Variants in TRIM44 observed in about 807,000 individuals in gnomAD.
TRIM44 encodes tripartite motif containing 44, also known as tripartite motif-containing protein 44.
Under a neutral mutation model 37.4 loss-of-function variants are expected in TRIM44, and 13 were observed. That is an observed-to-expected ratio of 0.35 (90% CI 0.23 to 0.55). TRIM44 has a LOEUF of 0.55. Among genes scored for constraint, TRIM44 ranks in the 20% least tolerant of loss-of-function variants. The pLI, the probability that TRIM44 is intolerant of heterozygous loss-of-function variation, is 0.89. For missense variants in TRIM44, 426 were observed against 437.2 expected, an observed-to-expected ratio of 0.97 and a Z score of 0.23; for synonymous variants, 175 against 157.2, an observed-to-expected ratio of 1.11 and a Z score of -0.85.
intron 4 of TRIM44, among the ~76,000 whole-genome samples, chr11:35,767,027 T>A (rs970364246): frequency 2.6e-5 from 4 of 152,190 alleles, no homozygotes; most frequent in Admixed American, 2.6e-4. Flanking sequence ...GTCATGGTTT[T>A]AGGCAAGATT....
chr11:35,754,033 G>C (rs1237643157), intron 4 of TRIM44, among the ~76,000 whole-genome samples: 2 of 151,620 alleles, frequency 1.3e-5, no homozygotes, highest in African/African-American at 4.8e-5. Context: ...GACCAAGTGA[G>C]ACTGTCTCAA....
intron 1 of TRIM44, among the ~76,000 whole-genome samples, chr11:35,667,223 G>A (rs762797508): frequency 6.6e-6 from 1 of 152,118 alleles, no homozygotes; most frequent in Non-Finnish European, 1.5e-5. Context: ...CTTTTGGGAT[G>A]ATCATGTGAT....
At position 35,699,996 on chromosome 11, in the gene TRIM44, A is replaced by C. The variant is rs1009665500; in HGVS notation, c.747+14660A>C. On this transcript the variant is annotated intron_variant, in intron 2 of 4. Coordinates refer to ENST00000299413, the MANE Select transcript of TRIM44 (RefSeq NM_017583.6). ...CATTCCATGCTCATGGGTAGGAAGA[A>C]TCAATATCGTGAAAATGGCCATACT... 2.6e-5 allele frequency among the ~76,000 whole-genome samples: 4 copies of C among 152,230 alleles called. No homozygotes were observed. In the East Asian group the frequency reaches 7.7e-4, roughly 29 times the overall value.
intron 4 of TRIM44, among the ~76,000 whole-genome samples, chr11:35,745,912 G>A (rs753007718): frequency 7.2e-5 from 11 of 151,994 alleles, no homozygotes; most frequent in African/African-American, 2.7e-4. Flanking sequence ...GAATCCCCCC[G>A]CCTTTATTTT....
intron 4 of TRIM44, among the ~76,000 whole-genome samples, chr11:35,793,923 G>C (rs1374623369): frequency 6.6e-6 from 1 of 152,068 alleles, no homozygotes; most frequent in Non-Finnish European, 1.5e-5. Context: ...GTAAAGATTT[G>C]GATGAAGTGA....
chr11:35,666,809 A>C (rs922612940), intron 1 of TRIM44, among the ~76,000 whole-genome samples: 4 of 151,410 alleles, frequency 2.6e-5, no homozygotes, highest in Non-Finnish European at 5.9e-5. Context: ...GAATATAGGA[A>C]TATGATTAAC....
At chr11:35,777,391 G>C (rs1332867684) in intron 4 of TRIM44, among the ~76,000 whole-genome samples, 1 of 152,032 alleles carries the variant, frequency 6.6e-6, no homozygotes, top group Non-Finnish European at 1.5e-5. Flanking sequence ...CACACTGATG[G>C]GTCTTGACTC....
chr11:35,736,785 T>C (rs1852330941), intron 4 of TRIM44, among the ~76,000 whole-genome samples: 1 of 152,222 alleles, frequency 6.6e-6, no homozygotes, highest in Admixed American at 6.5e-5. Flanking sequence ...CACTTCAGAC[T>C]CCATCTTTCA....
At chr11:35,731,468 C>T (rs1227483210) in intron 3 of TRIM44, among the ~76,000 whole-genome samples, 5 of 152,076 alleles carry the variant, frequency 3.3e-5, no homozygotes, top group Non-Finnish European at 5.9e-5. Context: ...GTTCAGTTTG[C>T]TTATATTTTG....
chr11:35,786,772 C>T (rs772169488), intron 4 of TRIM44, among the ~76,000 whole-genome samples: 2 of 152,074 alleles, frequency 1.3e-5, no homozygotes, highest in African/African-American at 2.4e-5. Context: ...GTAATTTTCT[C>T]GGTGTTAGCG....
At chr11:35,729,088 C>T (rs1472421619) in intron 3 of TRIM44, among the ~76,000 whole-genome samples, 1 of 152,030 alleles carries the variant, frequency 6.6e-6, no homozygotes, top group Non-Finnish European at 1.5e-5. Flanking sequence ...GGATACAAGG[C>T]AGTGAATTCC....
chr11:35,663,884 A>T (rs542873624), intron 1 of TRIM44, 104 bp downstream of exon 1: 1 of 1,382,328 alleles, frequency 7.2e-7, no homozygotes, highest in Non-Finnish European at 9.7e-7. Flanking sequence ...TGTCCCTAAG[A>T]AGCTAGTCTT....
At chr11:35,688,563 T>A (rs1422781529) in intron 2 of TRIM44, among the ~76,000 whole-genome samples, 2 of 152,236 alleles carry the variant, frequency 1.3e-5, no homozygotes, top group Admixed American at 6.5e-5. Context: ...GGTTTTACAA[T>A]TGCTTTTTCC....
chr11:35,687,788 G>T, intron 2 of TRIM44, among the ~76,000 whole-genome samples: 1 of 152,298 alleles, frequency 6.6e-6, no homozygotes, highest in Admixed American at 6.5e-5. Context: ...AAGGATATTT[G>T]TAAGGACCCG....
intron 2 of TRIM44, among the ~76,000 whole-genome samples, chr11:35,712,269 C>T (rs977491327): frequency 4.6e-5 from 7 of 152,154 alleles, no homozygotes; most frequent in Non-Finnish European, 1.0e-4. Context: ...TGTTATGAAG[C>T]AGACTCCCTA....
chr11:35,712,297 G>A (rs999024637), intron 2 of TRIM44, among the ~76,000 whole-genome samples: 7 of 152,126 alleles, frequency 4.6e-5, no homozygotes, highest in African/African-American at 1.7e-4. Flanking sequence ...GAACTGCTTG[G>A]TGCCCAACTA....
intron 4 of TRIM44, 31 bp from the exon 5 acceptor site, chr11:35,806,327 T>C (rs1376719722): frequency 6.2e-7 from 1 of 1,613,274 alleles, no homozygotes; most frequent in Non-Finnish European, 8.5e-7. Context: ...TGTGATATCT[T>C]AACTCACCTG....
chr11:35,733,744 C>A (rs1335442949), intron 3 of TRIM44, among the ~76,000 whole-genome samples: 1 of 152,148 alleles, frequency 6.6e-6, no homozygotes, highest in African/African-American at 2.4e-5. Flanking sequence ...TTACCTCAGT[C>A]ACGCTCAACC....
chr11:35,680,039 C>T (rs1012779644), intron 1 of TRIM44, among the ~76,000 whole-genome samples: 3 of 152,230 alleles, frequency 2.0e-5, no homozygotes, highest in South Asian at 2.1e-4. Flanking sequence ...AATTTTATAT[C>T]GTTTTGAGGA....
Sources: gnomAD v4.1 joint callset for allele counts (sites outside exome capture counted in the v4.1 genomes callset) on GRCh38, gnomAD v4.1.1 for gene constraint, MANE v1.5 for transcripts, NCBI Gene and HGNC (gene_info 2026-07-23, HGNC 2026-07-21) for gene names.